NALF1: variants seen among roughly 807,000 people sequenced by gnomAD.
The protein encoded by NALF1 is NALCN channel auxiliary factor 1, also known as family with sequence similarity 155 member A.
In NALF1, 3 loss-of-function variants were observed where a neutral mutation model predicts 48.4. The observed-to-expected ratio is 0.06, with a 90% CI of 0.03 to 0.16. NALF1 has a LOEUF of 0.16. Ranked by LOEUF, NALF1 falls within the 10% of genes least tolerant of loss-of-function variation. The probability of loss-of-function intolerance (pLI) is 1.00; values close to 1 mark genes in which losing one functional copy is unlikely to be tolerated. For synonymous variants in NALF1, 262 were observed against 245.7 expected, an observed-to-expected ratio of 1.07 and a Z score of -0.62; for missense variants, 526 against 571.5, an observed-to-expected ratio of 0.92 and a Z score of 0.81.
At chr13:107,776,316 C>T (rs931702773) in intron 1 of NALF1, among the ~76,000 whole-genome samples, 8 of 152,130 alleles carry the variant, frequency 5.3e-5, no homozygotes, top group South Asian at 2.1e-4. Flanking sequence ...GTCTAGGTAC[C>T]TTGGTTTCCT....
At chr13:107,606,170 C>T (rs1436195403) in intron 1 of NALF1, among the ~76,000 whole-genome samples, 1 of 152,072 alleles carries the variant, frequency 6.6e-6, no homozygotes, top group African/African-American at 2.4e-5. Flanking sequence ...GACAATGGTA[C>T]TAGTGAGCAC....
Position 107,166,923 on chromosome 13 carries a change from G to A in NALF1, c.*3574C>T, listed in dbSNP as rs1414027263. ...AAACCAAATTACTTTTTGTAATGAT[G>A]CCATTTAAAAGAACAACTTTCACTT... On this transcript the variant is annotated 3_prime_UTR_variant, in exon 3 of 3. Transcript: ENST00000375915. The A allele has an allele frequency of 6.6e-6, 1 of 152,096 alleles. No homozygotes were observed. The highest frequency in any genetic ancestry group is 2.4e-5 in the African/African-American group (1 of 41,418). The allele number at this position is 152,096 out of a possible 1,614,324, so 9.4% of individuals were successfully genotyped here. A position where few individuals can be genotyped will look rare whatever the true frequency, so the allele number is the denominator to read the frequency against.
intron 1 of NALF1, among the ~76,000 whole-genome samples, chr13:107,542,745 A>C (rs1480999555): frequency 6.6e-6 from 1 of 152,128 alleles, no homozygotes; most frequent in Non-Finnish European, 1.5e-5. Flanking sequence ...TATGCTGATA[A>C]TTCCATATGG....
At chr13:107,554,917 A>C (rs1465648427) in intron 1 of NALF1, among the ~76,000 whole-genome samples, 2 of 152,058 alleles carry the variant, frequency 1.3e-5, no homozygotes, top group Non-Finnish European at 1.5e-5. Flanking sequence ...AGAATGTCTA[A>C]GTAGAGGAGG....
chr13:107,583,742 G>C (rs116872020), intron 1 of NALF1, among the ~76,000 whole-genome samples: 15 of 152,248 alleles, frequency 9.9e-5, no homozygotes, highest in Non-Finnish European at 1.5e-4. Context: ...CTATTACAAA[G>C]AGTGTGTTTA....
rs958692874 is a variant in NALF1, at chr13:107,340,210, G to A, written c.916-129455C>T. Among the ~76,000 whole-genome samples, 5 of 149,774 alleles carry A rather than the reference G, an allele frequency of 3.3e-5. No individual in the cohort carries two copies. The East Asian group carries it at 7.9e-4, about 24-fold the overall frequency. On this transcript the variant is annotated intron_variant, in intron 1 of 2. Transcript: ENST00000375915. ...TTTTTTTAGACAGTGGTGCAATCTC[G>A]GCTCACTGCAACCTCTGCCTCCCGG...
rs369945425 is a variant in NALF1 at position 107,852,754 on chromosome 13, C to T, written c.915+12928G>A. ...TTGGAAAATTATTTTTCTTAAGTTT[C>T]CACATTAAGTACATTATCTGTTGTC... On this transcript the variant is annotated intron_variant, in intron 1 of 2. Coordinates refer to ENST00000375915, the MANE Select transcript of NALF1 (RefSeq NM_001080396.3). Among the ~76,000 whole-genome samples, 6 of 152,206 alleles carry T rather than the reference C, an allele frequency of 3.9e-5. No homozygotes were observed. The East Asian group carries it at 9.6e-4, about 24-fold the overall frequency.
intron 1 of NALF1, among the ~76,000 whole-genome samples, chr13:107,744,429 G>A (rs539562404): frequency 5.6e-4 from 86 of 152,228 alleles, no homozygotes; most frequent in African/African-American, 2.0e-3. Flanking sequence ...CCCCAAGCCC[G>A]AAACTTAGCC....
intron 1 of NALF1, among the ~76,000 whole-genome samples, chr13:107,369,455 T>C (rs1399345495): frequency 6.6e-6 from 1 of 152,186 alleles, no homozygotes; most frequent in East Asian, 1.9e-4. Context: ...TACATCTGTG[T>C]ATATATAAAA....
At chr13:107,637,421 T>C (rs1257505361) in intron 1 of NALF1, among the ~76,000 whole-genome samples, 1 of 152,120 alleles carries the variant, frequency 6.6e-6, no homozygotes, top group Non-Finnish European at 1.5e-5. Flanking sequence ...TTCAAGGTAC[T>C]TCCTTCCAAA....
intron 1 of NALF1, among the ~76,000 whole-genome samples, chr13:107,529,641 T>G (rs1265451348): frequency 6.6e-6 from 1 of 152,166 alleles, no homozygotes; most frequent in Admixed American, 6.6e-5. Context: ...CGCAGGACAG[T>G]AGCCAACCAT....
rs187818330 is a variant in NALF1 at position 107,314,603 on chromosome 13, A to G, written c.916-103848T>C. Among the ~76,000 whole-genome samples the G allele has an allele frequency of 2.6e-5, 4 of 152,194 alleles. No homozygotes were observed. The East Asian group carries it at 7.7e-4, about 29-fold the overall frequency. ...CTTCCTCTGCAAGATTCCTATTCCAATTATCTCAGTATTAACATAATTTTC... is the reference window on the plus strand; with the variant it reads ...CTTCCTCTGCAAGATTCCTATTCCAGTTATCTCAGTATTAACATAATTTTC... On this transcript the variant is annotated intron_variant, in intron 1 of 2. Coordinates refer to ENST00000375915, the MANE Select transcript of NALF1 (RefSeq NM_001080396.3).
chr13:107,652,191 A>G (rs949094026), intron 1 of NALF1, among the ~76,000 whole-genome samples: 3 of 152,116 alleles, frequency 2.0e-5, no homozygotes, highest in African/African-American at 7.2e-5. Flanking sequence ...AATCAATGCA[A>G]TGGGGAGATT....
At chr13:107,846,807 A>G (rs772331002) in intron 1 of NALF1, among the ~76,000 whole-genome samples, 2 of 152,200 alleles carry the variant, frequency 1.3e-5, no homozygotes, top group South Asian at 2.1e-4. Context: ...ATCTGGATTT[A>G]GCCTTATGGG....
At chr13:107,705,095 C>G (rs538715388) in intron 1 of NALF1, among the ~76,000 whole-genome samples, 1 of 152,252 alleles carries the variant, frequency 6.6e-6, no homozygotes, top group South Asian at 2.1e-4. Flanking sequence ...ATATATTACT[C>G]CCTTTGATAT....
At chr13:107,682,270 C>T (rs1030769738) in intron 1 of NALF1, among the ~76,000 whole-genome samples, 2 of 152,130 alleles carry the variant, frequency 1.3e-5, no homozygotes, top group South Asian at 2.1e-4. Context: ...TTTAAGAAGC[C>T]GAAAACAGCC....
At chr13:107,661,991 A>G (rs9587421) in intron 1 of NALF1, among the ~76,000 whole-genome samples, 32,464 of 152,156 alleles carry the variant, frequency 0.21, 3,701 homozygotes, top group Middle Eastern at 0.37. Context: ...TGTTATTAAC[A>G]CTTACTTCTG....
intron 1 of NALF1, among the ~76,000 whole-genome samples, chr13:107,404,351 A>G (rs1535716): frequency 0.58 from 88,520 of 151,816 alleles, 26,136 homozygotes; most frequent in African/African-American, 0.66. Context: ...CACCATGATA[A>G]CTTCCCGGAA....
At chr13:107,591,838 C>T (rs1878610656) in intron 1 of NALF1, among the ~76,000 whole-genome samples, 1 of 151,944 alleles carries the variant, frequency 6.6e-6, no homozygotes, top group Non-Finnish European at 1.5e-5. Flanking sequence ...CAACAGTCAA[C>T]ATAGACAAAG....
Sources: allele counts gnomAD v4.1 joint callset (sites outside exome capture counted in the v4.1 genomes callset), GRCh38; gene constraint gnomAD v4.1.1; transcripts MANE v1.5; gene names NCBI Gene and HGNC (gene_info 2026-07-23, HGNC 2026-07-21).